Variants in PTPRD observed in about 807,000 individuals in gnomAD.
PTPRD encodes the protein receptor-type tyrosine-protein phosphatase delta.
Under a neutral mutation model 214.5 loss-of-function variants are expected in PTPRD, and 34 were observed. That is an observed-to-expected ratio of 0.16 (90% CI 0.12 to 0.21). PTPRD has a LOEUF of 0.21. PTPRD is among the 10% of genes least tolerant of loss of function. PTPRD has a pLI of 1.00. For synonymous variants in PTPRD, 1,128 were observed against 845.7 expected (o/e 1.33, Z -5.79); for missense variants, 2,545 against 2,398.7 (o/e 1.06, Z -1.27).
intron 9 of PTPRD, among the ~76,000 whole-genome samples, chr9:9,295,374 T>C (rs564406629): frequency 6.3e-4 from 96 of 151,828 alleles, no homozygotes; most frequent in Non-Finnish European, 1.0e-3. Context: ...ATTTTTTTCT[T>C]GAAAATAAAG....
chr9:9,539,273 TA>T (rs2077116613), intron 8 of PTPRD, among the ~76,000 whole-genome samples: 1 of 151,762 alleles, frequency 6.6e-6, no homozygotes, highest in Non-Finnish European at 1.5e-5. Context: ...TAAGTGGGAA[TA>T]AACTTAGAAT....
chr9:8,592,184 C>A (rs1182857836), intron 14 of PTPRD, among the ~76,000 whole-genome samples: 2 of 152,126 alleles, frequency 1.3e-5, no homozygotes, highest in Non-Finnish European at 2.9e-5. Context: ...ATACTAAACC[C>A]TTTCAGCTAA....
At chr9:10,042,174 A>T (rs1426165648) in intron 3 of PTPRD, among the ~76,000 whole-genome samples, 1 of 151,990 alleles carries the variant, frequency 6.6e-6, no homozygotes, top group East Asian at 1.9e-4. Flanking sequence ...CATATAAAAG[A>T]TAAGAGCAAA....
chr9:9,786,965 A>G (rs934141492), intron 5 of PTPRD, among the ~76,000 whole-genome samples: 3 of 151,998 alleles, frequency 2.0e-5, no homozygotes, highest in African/African-American at 4.8e-5. Context: ...GCGAAACCCC[A>G]TCTCTACTAA....
intron 6 of PTPRD, among the ~76,000 whole-genome samples, chr9:9,751,303 G>C (rs2098516650): frequency 6.6e-6 from 1 of 151,982 alleles, no homozygotes; most frequent in African/African-American, 2.4e-5. Flanking sequence ...TCAAAGCTTG[G>C]AGACACTAAG....
rs1461254821 is a variant in PTPRD, at chr9:8,341,883, G to T, written c.4757C>A (p.Thr1586Asn). Reference sequence around the variant, plus strand: ...ATAGTTCCTCTGGGCTCTCATTAAAGTTACATGGCCATAAATATCTACAGT... The same window carrying T: ...ATAGTTCCTCTGGGCTCTCATTAAATTTACATGGCCATAAATATCTACAGT... ...EKTVDIYGHV[T>N]LMRAQRNYMV... Residue 1586 changes from threonine to asparagine, a missense_variant, in exon 40 of 46, where the codon ACT becomes AAT. By Grantham distance (65) the Thr-to-Asn change is moderately conservative. Coordinates refer to ENST00000381196, the MANE Select transcript of PTPRD (RefSeq NM_002839.4). The T allele has an allele frequency of 6.2e-7, 1 of 1,613,358 alleles. No individual in the cohort carries two copies. The highest frequency in any genetic ancestry group is 8.5e-7 in the Non-Finnish European group (1 of 1,179,656).
chr9:9,095,763 A>G (rs2099782607), intron 10 of PTPRD, among the ~76,000 whole-genome samples: 1 of 152,190 alleles, frequency 6.6e-6, no homozygotes, highest in Non-Finnish European at 1.5e-5. Context: ...CATATACCCA[A>G]AGGAAATAAA....
intron 8 of PTPRD, among the ~76,000 whole-genome samples, chr9:9,430,596 A>T (rs909861261): frequency 6.6e-6 from 1 of 152,156 alleles, no homozygotes; most frequent in Non-Finnish European, 1.5e-5. Flanking sequence ...CATTGCCAAG[A>T]CAATCCTAAG....
At chr9:9,272,913 C>G (rs757129783) in intron 9 of PTPRD, among the ~76,000 whole-genome samples, 2 of 151,266 alleles carry the variant, frequency 1.3e-5, no homozygotes, top group African/African-American at 2.4e-5. Context: ...ACTGCACATA[C>G]AAGCTTGAGG....
chr9:8,717,808 C>A (rs185317205), intron 12 of PTPRD, among the ~76,000 whole-genome samples: 1 of 151,968 alleles, frequency 6.6e-6, no homozygotes, highest in Non-Finnish European at 1.5e-5. Flanking sequence ...ATTAGCTTTG[C>A]CTTAATGCCC....
At chr9:8,947,996 T>C (rs2099076182) in intron 11 of PTPRD, among the ~76,000 whole-genome samples, 1 of 149,774 alleles carries the variant, frequency 6.7e-6, no homozygotes, top group African/African-American at 2.5e-5. Context: ...CCAGACCTTA[T>C]ACCCAGAGTC....
chr9:8,687,827 T>C (rs1420168196), intron 12 of PTPRD, among the ~76,000 whole-genome samples: 1 of 152,112 alleles, frequency 6.6e-6, no homozygotes, highest in Non-Finnish European at 1.5e-5. Context: ...GAACTTTACG[T>C]ACATCAGTGT....
intron 12 of PTPRD, among the ~76,000 whole-genome samples, chr9:8,687,836 G>T (rs1004255550): frequency 3.3e-5 from 5 of 151,256 alleles, no homozygotes; most frequent in African/African-American, 1.2e-4. Context: ...GTACATCAGT[G>T]TCTACATTTG....
At chr9:9,863,755 A>C (rs1382703986) in intron 5 of PTPRD, among the ~76,000 whole-genome samples, 3 of 152,124 alleles carry the variant, frequency 2.0e-5, no homozygotes, top group Admixed American at 6.5e-5. Flanking sequence ...ACTATAAACA[A>C]ACTTCAGAAA....
intron 14 of PTPRD, among the ~76,000 whole-genome samples, chr9:8,595,858 C>G (rs972064654): frequency 6.6e-6 from 1 of 152,112 alleles, no homozygotes; most frequent in Non-Finnish European, 1.5e-5. Context: ...ATGTGTCTCT[C>G]TTTAAAGGTG....
chr9:8,556,219 G>A lies in PTPRD; in HGVS notation c.353-27440C>T, dbSNP rs1275419113. 1.3e-5 allele frequency among the ~76,000 whole-genome samples: 2 copies of A among 152,204 alleles called. 1 individual carries two copies. Among genetic ancestry groups the A allele is most frequent in the Non-Finnish European group, 2.9e-5 (2 of 68,032 alleles). On this transcript the variant is annotated intron_variant, in intron 14 of 45. Coordinates refer to ENST00000381196, the MANE Select transcript of PTPRD (RefSeq NM_002839.4). ...GATTAAAGGCATTTTGTGCATATAA[G>A]TCTGGTCTCTTAGGCAGCATTTAAC... is the stretch of plus-strand genomic sequence containing the variant.
intron 5 of PTPRD, among the ~76,000 whole-genome samples, chr9:9,887,884 A>C (rs983239155): frequency 2.6e-5 from 4 of 152,104 alleles, no homozygotes; most frequent in Admixed American, 1.3e-4. Context: ...AATAAGACAA[A>C]TGTGTCCCAG....
intron 7 of PTPRD, among the ~76,000 whole-genome samples, chr9:9,628,838 T>A (rs999414455): frequency 9.2e-5 from 14 of 151,894 alleles, no homozygotes; most frequent in Non-Finnish European, 2.1e-4. Context: ...ACATCAAATA[T>A]ATCATAATAC....
chr9:8,477,218 T>G (rs1305605418), intron 30 of PTPRD, among the ~76,000 whole-genome samples: 2 of 152,160 alleles, frequency 1.3e-5, no homozygotes, highest in African/African-American at 4.8e-5. Context: ...AGCCTGGAGT[T>G]TAGACTCAAA....
Sources: allele counts gnomAD v4.1 joint callset (sites outside exome capture counted in the v4.1 genomes callset), GRCh38; gene constraint gnomAD v4.1.1; transcripts MANE v1.5; gene names NCBI Gene and HGNC (gene_info 2026-07-23, HGNC 2026-07-21).